The following GUCY1A2 variants were observed in gnomAD, a reference collection of about 807,000 sequenced individuals.
GUCY1A2 encodes the protein guanylate cyclase soluble subunit alpha-2.
Under a neutral mutation model 63.5 loss-of-function variants are expected in GUCY1A2, and 27 were observed. The ratio of observed to expected loss-of-function variants is 0.43; its 90% CI spans 0.31 to 0.59. The LOEUF is 0.59. Among genes scored for constraint, GUCY1A2 ranks in the 20% least tolerant of loss-of-function variants. The probability of loss-of-function intolerance (pLI) is 0.11; values close to 1 mark genes in which losing one functional copy is unlikely to be tolerated. For missense variants in GUCY1A2, 768 were observed against 913.3 expected (o/e 0.84, Z 2.05); for synonymous variants, 364 against 343.5 (o/e 1.06, Z -0.66).
intron 2 of GUCY1A2, among the ~76,000 whole-genome samples, chr11:106,980,730 A>G (rs1381487061): frequency 2.6e-5 from 4 of 152,196 alleles, no homozygotes; most frequent in African/African-American, 9.7e-5. Context: ...ATGTGAGTGG[A>G]GGGAAAAATA....
chr11:107,003,814 A>G (rs1163169011), intron 1 of GUCY1A2, among the ~76,000 whole-genome samples: 6 of 152,180 alleles, frequency 3.9e-5, no homozygotes, highest in Non-Finnish European at 8.8e-5. Context: ...GCAGACTCTA[A>G]GAAGGAGATT....
chr11:106,843,706 T>C (rs961036030), intron 4 of GUCY1A2, among the ~76,000 whole-genome samples: 1 of 151,908 alleles, frequency 6.6e-6, no homozygotes, highest in Admixed American at 6.6e-5. Context: ...ATAGGTAAGA[T>C]GGTTTACCCA....
intron 4 of GUCY1A2, among the ~76,000 whole-genome samples, chr11:106,863,572 C>T (rs537507958): frequency 6.1e-4 from 90 of 147,710 alleles, no homozygotes; most frequent in Non-Finnish European, 9.8e-4. Context: ...TCAGGTAGCA[C>T]GCCTCCAGCT....
chr11:106,901,943 CAT>C (rs1860140011), intron 4 of GUCY1A2, among the ~76,000 whole-genome samples: 1 of 152,006 alleles, frequency 6.6e-6, no homozygotes, highest in African/African-American at 2.4e-5. Flanking sequence ...GCCGCAATAA[CAT>C]GTATATTTAT....
intron 4 of GUCY1A2, among the ~76,000 whole-genome samples, chr11:106,909,353 A>ATGTGTGTGTGTGTGTGTGTGTG (rs1565328453): frequency 7.2e-5 from 2 of 27,818 alleles, no homozygotes; most frequent in African/African-American, 1.4e-4. Flanking sequence ...GGTGGTACTC[A>ATGTGTGTGTGTGTGTGTGTGTG]TCTGTGTGTG....
intron 5 of GUCY1A2, among the ~76,000 whole-genome samples, chr11:106,802,650 A>G (rs1163086684): frequency 1.3e-5 from 2 of 152,132 alleles, no homozygotes; most frequent in African/African-American, 2.4e-5. Flanking sequence ...TGGAGGCTGG[A>G]AAGTCCAAGA....
chr11:106,846,297 T>C (rs1386796075), intron 4 of GUCY1A2, among the ~76,000 whole-genome samples: 2 of 151,652 alleles, frequency 1.3e-5, no homozygotes, highest in African/African-American at 2.4e-5. Flanking sequence ...AGATACATGC[T>C]GAAATTTTAG....
intron 6 of GUCY1A2, among the ~76,000 whole-genome samples, chr11:106,747,578 G>A (rs1392691058): frequency 6.6e-6 from 1 of 152,210 alleles, no homozygotes; most frequent in Non-Finnish European, 1.5e-5. Flanking sequence ...GCAGTAGCTG[G>A]CAAAAGGCAC....
At chr11:107,010,530 G>A (rs774611118) in intron 1 of GUCY1A2, among the ~76,000 whole-genome samples, 4 of 152,090 alleles carry the variant, frequency 2.6e-5, no homozygotes, top group African/African-American at 7.2e-5. Flanking sequence ...ACTTCCTTCC[G>A]AAGTTTTGCT....
chr11:106,773,466 T>A (rs1490226664), intron 6 of GUCY1A2, among the ~76,000 whole-genome samples: 2 of 152,196 alleles, frequency 1.3e-5, no homozygotes, highest in Non-Finnish European at 2.9e-5. Context: ...TTTGAGACTG[T>A]TACAAAAACT....
At chr11:106,894,298 A>C (rs1183158471) in intron 4 of GUCY1A2, among the ~76,000 whole-genome samples, 1 of 152,214 alleles carries the variant, frequency 6.6e-6, no homozygotes, top group Non-Finnish European at 1.5e-5. Flanking sequence ...GTCAAAACAC[A>C]TGAGACAAAA....
chr11:106,980,098 GGAA>G (rs992281562), intron 2 of GUCY1A2, among the ~76,000 whole-genome samples: 1 of 152,142 alleles, frequency 6.6e-6, no homozygotes, highest in African/African-American at 2.4e-5. Flanking sequence ...ACTGATAAGA[GGAA>G]GAAGACTCTG....
At chr11:106,811,923 G>T (rs190764655) in intron 4 of GUCY1A2, among the ~76,000 whole-genome samples, 1 of 151,728 alleles carries the variant, frequency 6.6e-6, no homozygotes, top group Non-Finnish European at 1.5e-5. Flanking sequence ...AATCTATATC[G>T]GCCAGAGAAT....
chr11:106,685,962 A>T lies in GUCY1A2; in HGVS notation c.*1587T>A, dbSNP rs1862520110. The T allele has an allele frequency of 4.5e-6, 1 of 222,226 alleles. No homozygotes were observed. The highest frequency in any genetic ancestry group is 9.0e-6 in the Non-Finnish European group (1 of 111,102). 13.8% of individuals were successfully genotyped at this position (222,226 alleles called of 1,614,324 possible). A position where few individuals can be genotyped will look rare whatever the true frequency, so the allele number is the denominator to read the frequency against. ...AAATGAACCTCATAGACTACATTGG[A>T]AATTAGTAAATATATTCCTTAACTG... On this transcript the variant is annotated 3_prime_UTR_variant, in exon 8 of 8. Transcript: ENST00000526355.
At chr11:106,777,478 C>T in intron 5 of GUCY1A2, among the ~76,000 whole-genome samples, 1 of 147,316 alleles carries the variant, frequency 6.8e-6, no homozygotes, top group South Asian at 2.2e-4. Context: ...GGCACATATA[C>T]ACCATGGAAT....
intron 4 of GUCY1A2, among the ~76,000 whole-genome samples, chr11:106,920,830 G>A (rs1288614584): frequency 6.6e-6 from 1 of 151,876 alleles, no homozygotes; most frequent in Non-Finnish European, 1.5e-5. Flanking sequence ...TATACTTCAC[G>A]GGTTTCTTTT....
Position 106,678,088 on chromosome 11 carries a change from A to T in GUCY1A2, c.*9461T>A, listed in dbSNP as rs903652543. ...TAATTTGGGCTGCCATCCATTAATA[A>T]TAATTTTTACACAGGAACAAAAATT... On this transcript the variant is annotated 3_prime_UTR_variant, in exon 8 of 8. Transcript: ENST00000526355. The T allele has an allele frequency of 5.0e-6, 1 of 200,728 alleles. No homozygotes were observed. The highest frequency in any genetic ancestry group is 2.3e-5 in the African/African-American group (1 of 43,544). 12.4% of individuals were successfully genotyped at this position (200,728 alleles called of 1,614,324 possible).
chr11:106,859,813 T>C (rs1859484823), intron 4 of GUCY1A2, among the ~76,000 whole-genome samples: 1 of 151,982 alleles, frequency 6.6e-6, no homozygotes, highest in African/African-American at 2.4e-5. Context: ...CAGTACAGTA[T>C]CATTCTGTAC....
intron 6 of GUCY1A2, among the ~76,000 whole-genome samples, chr11:106,727,544 T>C (rs1863427825): frequency 6.6e-6 from 1 of 152,196 alleles, no homozygotes; most frequent in Non-Finnish European, 1.5e-5. Flanking sequence ...TGAAGAATTT[T>C]CAATCTACTA....
Sources: allele counts gnomAD v4.1 joint callset (sites outside exome capture counted in the v4.1 genomes callset), GRCh38; gene constraint gnomAD v4.1.1; transcripts MANE v1.5; gene names NCBI Gene and HGNC (gene_info 2026-07-23, HGNC 2026-07-21).